Variants in SCN8A observed in about 807,000 individuals in gnomAD.
The protein encoded by SCN8A is sodium voltage-gated channel alpha subunit 8.
A neutral mutation model predicts 184.1 loss-of-function variants in SCN8A; 30 were observed. That is an observed-to-expected ratio of 0.16 (90% confidence interval 0.12 to 0.22). The LOEUF (loss-of-function observed/expected upper bound fraction) is 0.22. Ranked by LOEUF, SCN8A falls within the 10% of genes least tolerant of loss-of-function variation. SCN8A has a pLI of 1.00. For missense variants in SCN8A, 1,057 were observed against 2,498.9 expected (o/e 0.42, Z 12.30); for synonymous variants, 852 against 907.0 (o/e 0.94, Z 1.09).
chr12:51,598,726 G>A (rs147391373), intron 1 of SCN8A, among the ~76,000 whole-genome samples: 11 of 152,104 alleles, frequency 7.2e-5, no homozygotes, highest in African/African-American at 2.7e-4. Context: ...CTCCATAATA[G>A]CAATTACTGT....
rs756909923 is a variant in SCN8A, at chr12:51,770,620, C to T, written c.3582C>T (p.Ile1194=). Residue 1194 remains isoleucine (I), a synonymous_variant, in exon 19 of 27, where the codon ATC becomes ATT. Coordinates refer to ENST00000627620, the MANE Select transcript of SCN8A (RefSeq NM_001330260.2). ...TCCTGCGGAAAACCTGCTTCCTCAT[C>T]GTGGAGCACAACTGGTTTGAGACCT... The part of the protein sequence containing the change: ...WWILRKTCFL[I]VEHNWFETFI... 54 of 1,614,064 alleles carry T rather than the reference C, an allele frequency of 3.3e-5. No individual in the cohort carries two copies. In the African/African-American group the frequency reaches 4.1e-4, roughly 12 times the overall value.
intron 1 of SCN8A, among the ~76,000 whole-genome samples, chr12:51,599,633 A>G (rs935933023): frequency 1.3e-5 from 2 of 152,196 alleles, no homozygotes; most frequent in Non-Finnish European, 2.9e-5. Context: ...TCAAAGCTAT[A>G]CTGTAGTGTT....
rs1218257025 is a variant in SCN8A at position 51,808,996 on chromosome 12, G to C, written c.*1567G>C. The C allele has an allele frequency of 6.6e-6, 1 of 152,126 alleles. No homozygotes were observed. The highest frequency in any genetic ancestry group is 2.4e-5 in the African/African-American group (1 of 41,406). 9.4% of individuals were successfully genotyped at this position (152,126 alleles called of 1,614,324 possible). A position where few individuals can be genotyped will look rare whatever the true frequency, so the allele number is the denominator to read the frequency against. On this transcript the variant is annotated 3_prime_UTR_variant, in exon 27 of 27. Coordinates refer to ENST00000627620, the MANE Select transcript of SCN8A (RefSeq NM_001330260.2). ...AGCCGCCTCTGAACCAAGCCCACTTGGTTTCTTTACTGCACTGGTTTTCAT... is the reference window on the plus strand; with the variant it reads ...AGCCGCCTCTGAACCAAGCCCACTTCGTTTCTTTACTGCACTGGTTTTCAT...
intron 1 of SCN8A, among the ~76,000 whole-genome samples, chr12:51,635,353 A>C (rs184173444): frequency 6.6e-6 from 1 of 152,294 alleles, no homozygotes; most frequent in East Asian, 1.9e-4. Flanking sequence ...TAATCCATCT[A>C]TCTCTGCTGG....
intron 2 of SCN8A, among the ~76,000 whole-genome samples, chr12:51,676,067 C>T (rs1409868524): frequency 2.6e-5 from 4 of 152,104 alleles, no homozygotes; most frequent in African/African-American, 9.7e-5. Flanking sequence ...TTCTCAGTAT[C>T]GTGTAATAGA....
At chr12:51,655,134 A>C (rs970999875) in intron 1 of SCN8A, among the ~76,000 whole-genome samples, 1 of 152,074 alleles carries the variant, frequency 6.6e-6, no homozygotes, top group Admixed American at 6.6e-5. Flanking sequence ...CCTGGCCTCA[A>C]ATGATCTGCC....
At chr12:51,773,844 T>G (rs1942967333) in intron 19 of SCN8A, among the ~76,000 whole-genome samples, 1 of 149,772 alleles carries the variant, frequency 6.7e-6, no homozygotes, top group Non-Finnish European at 1.5e-5. Context: ...AGTAGGTGAG[T>G]GGCTGCCTAG....
At chr12:51,696,410 C>A (rs1263750954) in intron 6 of SCN8A, among the ~76,000 whole-genome samples, 2 of 152,150 alleles carry the variant, frequency 1.3e-5, no homozygotes, top group African/African-American at 4.8e-5. Context: ...CTTCTCTGTT[C>A]CTTAGCAACT....
At chr12:51,595,387 T>A (rs1437082892) in intron 1 of SCN8A, among the ~76,000 whole-genome samples, 1 of 152,168 alleles carries the variant, frequency 6.6e-6, no homozygotes, top group African/African-American at 2.4e-5. Context: ...TATCCCTTTG[T>A]GAAGTTATGG....
chr12:51,614,400 C>T (rs1939787476), intron 1 of SCN8A, among the ~76,000 whole-genome samples: 1 of 152,020 alleles, frequency 6.6e-6, no homozygotes, highest in Non-Finnish European at 1.5e-5. Flanking sequence ...TATAATCATC[C>T]TACCTTTCTG....
intron 2 of SCN8A, among the ~76,000 whole-genome samples, chr12:51,677,779 G>C (rs1047567111): frequency 1.3e-5 from 2 of 152,150 alleles, no homozygotes; most frequent in African/African-American, 4.8e-5. Context: ...CTGTTCTGCC[G>C]CTCTTAATGG....
rs192888181 is a variant in SCN8A, at chr12:51,591,611, C to A, written c.-55+252C>A. Among the ~76,000 whole-genome samples, 210 of 152,318 alleles carry A rather than the reference C, an allele frequency of 1.4e-3. 2 individuals are homozygous for A. Among genetic ancestry groups the A allele is most frequent in the African/African-American group, 4.8e-3 (200 of 41,578 alleles). Reference sequence around the variant, plus strand: ...GAGAACTGAGGACCACCAGTCCCCACCCCGGACACCCTGCTTTCTCCGTCT... The same window carrying A: ...GAGAACTGAGGACCACCAGTCCCCAACCCGGACACCCTGCTTTCTCCGTCT... On this transcript the variant is annotated intron_variant, in intron 1 of 26. Coordinates refer to ENST00000627620, the MANE Select transcript of SCN8A (RefSeq NM_001330260.2).
At chr12:51,732,820 C>G (rs1213536527) in intron 12 of SCN8A, among the ~76,000 whole-genome samples, 2 of 151,994 alleles carry the variant, frequency 1.3e-5, no homozygotes, top group African/African-American at 4.8e-5. Context: ...ATTTGTGGCT[C>G]TTATAAATGG....
chr12:51,791,328 C>T (rs1205820974), intron 25 of SCN8A, among the ~76,000 whole-genome samples: 1 of 152,154 alleles, frequency 6.6e-6, no homozygotes, highest in Non-Finnish European at 1.5e-5. Flanking sequence ...AGAACGTTTT[C>T]TCCCCTCACC....
chr12:51,734,237 C>T (rs1012458327), intron 12 of SCN8A, among the ~76,000 whole-genome samples: 3 of 152,064 alleles, frequency 2.0e-5, no homozygotes, highest in Non-Finnish European at 2.9e-5. Context: ...AACCCAGTGG[C>T]GCTAGAGGAA....
chr12:51,686,527 C>T, intron 4 of SCN8A, 70 bp downstream of exon 4: 1 of 1,049,880 alleles, frequency 9.5e-7, no homozygotes, highest in Non-Finnish European at 1.5e-6. Flanking sequence ...TGCTTTGCCA[C>T]AGTTTACCCA....
At chr12:51,624,651 C>T (rs1292848688) in intron 1 of SCN8A, among the ~76,000 whole-genome samples, 2 of 151,964 alleles carry the variant, frequency 1.3e-5, no homozygotes, top group African/African-American at 2.4e-5. Context: ...CTTTTGTTGC[C>T]GTTGCTTTTG....
intron 14 of SCN8A, among the ~76,000 whole-genome samples, chr12:51,756,789 C>T (rs1008167140): frequency 6.6e-6 from 1 of 152,178 alleles, no homozygotes; most frequent in African/African-American, 2.4e-5. Context: ...CTCCCTCTAC[C>T]GGCATGCCCA....
In SCN8A at chr12:51,646,224, C is replaced by A. The variant is rs529854137; in HGVS notation, c.-54-16540C>A. Among the ~76,000 whole-genome samples, 141 of 152,236 alleles carry A rather than the reference C, an allele frequency of 9.3e-4. 4 individuals carry two copies. In the South Asian group the frequency reaches 0.029, roughly 31 times the overall value. ...AGGAATGAAACTGGAGGCAGTGAGA[C>A]CAGTTAGACGGTTGCTATGGTAACT... On this transcript the variant is annotated intron_variant, in intron 1 of 26. Transcript: ENST00000627620.
Sources: allele counts gnomAD v4.1 joint callset (sites outside exome capture counted in the v4.1 genomes callset), GRCh38; gene constraint gnomAD v4.1.1; transcripts MANE v1.5; gene names NCBI Gene and HGNC (gene_info 2026-07-23, HGNC 2026-07-21).